The following FSCN2 variants were observed in gnomAD, a reference collection of about 807,000 sequenced individuals.
FSCN2 encodes fascin-2.
A neutral mutation model predicts 37.8 loss-of-function variants in FSCN2; 46 were observed. The ratio of observed to expected loss-of-function variants is 1.22; its 90% CI spans 0.96 to 1.56. The LOEUF is 1.56. Among genes scored for constraint, FSCN2 ranks in the 40% most tolerant of loss-of-function variants. The probability of loss-of-function intolerance (pLI) is 0.00; values close to 1 mark genes in which losing one functional copy is unlikely to be tolerated. For missense variants in FSCN2, 844 were observed against 730.4 expected, an observed-to-expected ratio of 1.16 and a Z score of -1.79; for synonymous variants, 351 against 309.4, an observed-to-expected ratio of 1.13 and a Z score of -1.41.
chr17:81,534,371 C>T (rs932744287), intron 1 of FSCN2, among the ~76,000 whole-genome samples: 2 of 152,298 alleles, frequency 1.3e-5, no homozygotes, highest in Non-Finnish European at 2.9e-5. Context: ...CACACCACTC[C>T]CAGTGTCTGG....
At chr17:81,535,537 T>C (rs1210527670) in intron 2 of FSCN2, among the ~76,000 whole-genome samples, 1 of 79,624 alleles carries the variant, frequency 1.3e-5, no homozygotes, top group African/African-American at 5.1e-5. Flanking sequence ...ATCACCATCA[T>C]CACCATCCCC....
In FSCN2 at chr17:81,536,589, G is replaced by C; in HGVS notation, c.1106-33G>C. The C allele has an allele frequency of 5.0e-6, 8 of 1,604,584 alleles. No homozygotes were observed. In the East Asian group the frequency reaches 8.9e-5, roughly 18 times the overall value. ...CCGGCCTGGACAGGGAAGGTGGCGG[G>C]AGGGGCAGCGCAGCAGACGCTCTCC... On this transcript the variant is annotated intron_variant, in intron 3 of 4. Transcript: ENST00000417245.
the FSCN2 span, among the ~76,000 whole-genome samples, chr17:81,521,145 G>A: frequency 1.3e-5 from 2 of 152,004 alleles, no homozygotes. Flanking sequence ...TTGGCCCACC[G>A]CAACCTCTCC....
the FSCN2 span, among the ~76,000 whole-genome samples, chr17:81,516,147 A>T: frequency 2.0e-5 from 3 of 152,252 alleles, no homozygotes; most frequent in Non-Finnish European, 4.4e-5. Flanking sequence ...CCCAGCCTGG[A>T]GTGTCTCATC....
intron 1 of FSCN2, among the ~76,000 whole-genome samples, chr17:81,534,466 G>C (rs539488303): frequency 6.6e-6 from 1 of 152,106 alleles, no homozygotes; most frequent in Non-Finnish European, 1.5e-5. Context: ...GGTGCCTGCT[G>C]TCCCCATGCT....
upstream of FSCN2, chr17:81,528,363 T>C: frequency 1.7e-6 from 1 of 599,612 alleles, no homozygotes; most frequent in South Asian, 2.0e-5. Flanking sequence ...CTGCCCAGGC[T>C]GCTGCCGCGG....
the FSCN2 span, among the ~76,000 whole-genome samples, chr17:81,517,096 G>A: frequency 6.6e-6 from 1 of 152,060 alleles, no homozygotes; most frequent in African/African-American, 2.4e-5. Flanking sequence ...TCTACACGAG[G>A]GTTAGGGGCT....
Position 81,528,934 on chromosome 17 carries a change from CT to C in FSCN2, c.404del (p.Leu135ArgfsTer10). ...CCCGGCCGAGCTGTGGACCGTGCAC[CT>C]GGCCATCCACCCGCAGGCCCACCTG... Reference protein sequence around the residue: ...VSPAELWTVHLAIHPQAHLLS... With the variant: ...VSPAELWTVHXAIHPQAHLLS... On this transcript the variant is annotated frameshift_variant, in exon 1 of 5. Transcript: ENST00000417245. LOFTEE classifies it high-confidence loss of function. 6.3e-7 allele frequency: 1 copy of C among 1,591,790 alleles called. No individual in the cohort carries two copies. Among genetic ancestry groups the C allele is most frequent in the Non-Finnish European group, 8.5e-7 (1 of 1,172,896 alleles).
intron 1 of FSCN2, chr17:81,530,583 C>T (rs782117621): frequency 7.8e-6 from 4 of 513,524 alleles, no homozygotes; most frequent in Admixed American, 4.0e-5. Context: ...AACTCAGGTC[C>T]TTCCAGACCA....
At chr17:81,530,289 G>C in intron 1 of FSCN2, 1 of 284,934 alleles carries the variant, frequency 3.5e-6, no homozygotes, top group Non-Finnish European at 6.8e-6. Context: ...CTTTACCCGG[G>C]GCCTGGGCTC....
At chr17:81,518,410 C>T in the FSCN2 span, among the ~76,000 whole-genome samples, 1 of 152,066 alleles carries the variant, frequency 6.6e-6, no homozygotes, top group Non-Finnish European at 1.5e-5. Flanking sequence ...AGCACCTGCC[C>T]AGCAGCTGCT....
chr17:81,521,048 T>C, the FSCN2 span, among the ~76,000 whole-genome samples: 1 of 152,138 alleles, frequency 6.6e-6, no homozygotes, highest in Non-Finnish European at 1.5e-5. Context: ...ATTATAGTTT[T>C]TAACCTTTTG....
intron 1 of FSCN2, among the ~76,000 whole-genome samples, chr17:81,531,450 G>GA (rs1568077415): frequency 8.9e-6 from 1 of 112,760 alleles, no homozygotes; most frequent in African/African-American, 3.5e-5. Context: ...GGTGATGGTG[G>GA]TGGTGATGGT....
intron 1 of FSCN2, among the ~76,000 whole-genome samples, chr17:81,531,843 GTGA>G (rs2032643339): frequency 1.1e-5 from 1 of 93,108 alleles, no homozygotes; most frequent in African/African-American, 6.4e-5. Flanking sequence ...GGTGATGGTG[GTGA>G]TGGTGATGGT....
chr17:81,533,108 C>T (rs1391678284), intron 1 of FSCN2, among the ~76,000 whole-genome samples: 1 of 152,162 alleles, frequency 6.6e-6, no homozygotes, highest in Admixed American at 6.5e-5. Context: ...CATAGCATCA[C>T]CCCTACCCGG....
At position 81,533,362 on chromosome 17, in the gene FSCN2, G is replaced by A. The variant is rs138870473; in HGVS notation, c.827-1690G>A. Among the ~76,000 whole-genome samples the A allele has an allele frequency of 3.7e-3, 563 of 152,310 alleles. 3 individuals carry two copies. The highest frequency in any genetic ancestry group is 0.013 in the African/African-American group (530 of 41,564). On this transcript the variant is annotated intron_variant, in intron 1 of 4. Transcript: ENST00000417245. The stretch of plus-strand genomic sequence containing the variant: ...AGTGACACTGATCATCTCCTGAAAC[G>A]GGAGTCCAGAGAGCCCTGGGCATGG...
Position 81,531,816 on chromosome 17 carries a change from GTGGTGATGGTGGTGGTGGTGA to G in FSCN2, c.826+2465_826+2485del. Among the ~76,000 whole-genome samples, 2 of 98,294 alleles carry G rather than the reference GTGGTGATGGTGGTGGTGGTGA, an allele frequency of 2.0e-5. 1 individual carries two copies. The highest frequency in any genetic ancestry group is 9.0e-5 in the African/African-American group (2 of 22,158). The allele number at this position is 98,294 out of a possible 152,430, so 64.5% of individuals were successfully genotyped here. On this transcript the variant is annotated intron_variant, in intron 1 of 4. Transcript: ENST00000417245. ...GATGATGATAATGGTGATGATGGTG[GTGGTGATGGTGGTGGTGGTGA>G]TGGTGGTGATGGTGATGGTGGTGAT... is the stretch of plus-strand genomic sequence containing the variant.
Position 81,536,159 on chromosome 17 carries a change from A to G in FSCN2, c.997A>G (p.Met333Val), listed in dbSNP as rs1366174234. The change falls in exon 3 of 5, where the codon ATG (methionine) becomes GTG (valine). Residue 333 changes from methionine (M) to valine (V), a missense_variant. Transcript: ENST00000417245. ...TGCTCCCTCCAGTTCTGCCAACACC[A>G]TGTTTGAGATGGAGTGGCGTGGCCG... ...ATATQVSANTMFEMEWRGRRV... is the reference protein window; with the variant it reads ...ATATQVSANTVFEMEWRGRRV... 3.7e-6 allele frequency: 6 copies of G among 1,606,864 alleles called. No homozygotes were observed. Among genetic ancestry groups the G allele is most frequent in the Middle Eastern group, 3.3e-4 (2 of 6,054 alleles).
upstream of FSCN2, among the ~76,000 whole-genome samples, chr17:81,526,182 CA>C (rs1272441818): frequency 6.6e-6 from 1 of 152,240 alleles, no homozygotes; most frequent in African/African-American, 2.4e-5. Flanking sequence ...TCGTGCCAAT[CA>C]GAGGGGCAGG....
Sources: allele counts gnomAD v4.1 joint callset (sites outside exome capture counted in the v4.1 genomes callset), GRCh38; gene constraint gnomAD v4.1.1; transcripts MANE v1.5; gene names NCBI Gene and HGNC (gene_info 2026-07-23, HGNC 2026-07-21).